EEF2K: variants seen among roughly 807,000 people sequenced by gnomAD.
The protein encoded by EEF2K is alternative protein EEF2K.
Under a neutral mutation model 93.8 loss-of-function variants are expected in EEF2K, and 70 were observed. The observed-to-expected ratio is 0.75, with a 90% CI of 0.62 to 0.91. The LOEUF is 0.91. Among genes scored for constraint, EEF2K ranks in the 40% least tolerant of loss-of-function variants. EEF2K has a pLI of 0.00. For synonymous variants in EEF2K, 376 were observed against 380.8 expected, an observed-to-expected ratio of 0.99 and a Z score of 0.15; for missense variants, 935 against 972.9, an observed-to-expected ratio of 0.96 and a Z score of 0.52.
rs1598214258 is a variant in EEF2K at position 22,286,197 on chromosome 16, T to C, written c.*2201T>C. 6.6e-6 allele frequency: 1 copy of C among 152,214 alleles called. No individual in the cohort carries two copies. Among genetic ancestry groups the C allele is most frequent in the Non-Finnish European group, 1.5e-5 (1 of 68,038 alleles). 9.4% of individuals were successfully genotyped at this position (152,214 alleles called of 1,614,324 possible). ...TTTTGAAGTTGGAACTGATCACCCT[T>C]TTGTCATCTGTACCAGATCAGTAGT... is the stretch of plus-strand genomic sequence containing the variant. On this transcript the variant is annotated 3_prime_UTR_variant, in exon 18 of 18. Coordinates refer to ENST00000263026, the MANE Select transcript of EEF2K (RefSeq NM_013302.5).
At chr16:22,262,001 CCACACACA>C (rs71151667) in intron 11 of EEF2K, among the ~76,000 whole-genome samples, 34 of 138,110 alleles carry the variant, frequency 2.5e-4, no homozygotes, top group South Asian at 4.8e-4. Flanking sequence ...TGAGACCCTG[CCACACACA>C]CACACACACA....
At chr16:22,236,859 CTT>C (rs2047172423) in intron 2 of EEF2K, among the ~76,000 whole-genome samples, 1 of 147,828 alleles carries the variant, frequency 6.8e-6, no homozygotes, top group Admixed American at 6.8e-5. Context: ...TACTCTCAGA[CTT>C]TGAAGAACCA....
intron 2 of EEF2K, among the ~76,000 whole-genome samples, chr16:22,230,765 G>A (rs1254803475): frequency 6.6e-6 from 1 of 152,156 alleles, no homozygotes; most frequent in African/African-American, 2.4e-5. Flanking sequence ...ATGATTCTAT[G>A]TGATTTGACC....
intron 2 of EEF2K, among the ~76,000 whole-genome samples, chr16:22,227,420 A>G (rs918825778): frequency 1.3e-5 from 2 of 151,992 alleles, no homozygotes; most frequent in African/African-American, 4.8e-5. Context: ...AAACAGTTGC[A>G]CTGTGTTGGC....
intron 1 of EEF2K, among the ~76,000 whole-genome samples, chr16:22,209,808 T>G (rs1006897126): frequency 6.6e-6 from 1 of 152,156 alleles, no homozygotes; most frequent in Non-Finnish European, 1.5e-5. Flanking sequence ...TTGTTGTTGT[T>G]TTGAGACAGG....
At chr16:22,267,838 C>T (rs2047540398) in intron 15 of EEF2K, among the ~76,000 whole-genome samples, 2 of 152,156 alleles carry the variant, frequency 1.3e-5, no homozygotes, top group African/African-American at 4.8e-5. Context: ...TGCTTCTGTC[C>T]CTGGTCCGTG....
At chr16:22,215,390 G>A (rs1007822082) in intron 1 of EEF2K, among the ~76,000 whole-genome samples, 6 of 152,116 alleles carry the variant, frequency 3.9e-5, no homozygotes, top group African/African-American at 1.4e-4. Flanking sequence ...AGAGTTTGGT[G>A]GTGCATGGAG....
intron 13 of EEF2K, 73 bp downstream of exon 13, chr16:22,264,953 T>A: frequency 6.5e-7 from 1 of 1,549,086 alleles, no homozygotes; most frequent in Non-Finnish European, 8.9e-7. Flanking sequence ...GTTTCTCCTG[T>A]CTCATATCTC....
chr16:22,220,736 C>A (rs554156718), intron 1 of EEF2K, among the ~76,000 whole-genome samples: 1 of 152,218 alleles, frequency 6.6e-6, no homozygotes, highest in Admixed American at 6.5e-5. Context: ...TGAGCCATCA[C>A]GCCTGGCCCT....
At chr16:22,215,138 T>C (rs1354999573) in intron 1 of EEF2K, among the ~76,000 whole-genome samples, 2 of 152,096 alleles carry the variant, frequency 1.3e-5, no homozygotes, top group African/African-American at 4.8e-5. Flanking sequence ...ACCAGCCTGA[T>C]TGGTTGTGGG....
Position 22,256,883 on chromosome 16 carries a change from C to A in EEF2K, c.754C>A (p.Arg252Ser). ...NSGFVRDDNIRLTPQAFSHFT... is the reference protein window; with the variant it reads ...NSGFVRDDNISLTPQAFSHFT... ...TGGCTTTGTCCGCGATGACAACATC[C>A]GCCTGACGCCGCAGGTGAGGCCGAG... Residue 252 changes from arginine to serine, a missense_variant, in exon 7 of 18, where the codon CGC (arginine) becomes AGC (serine). Transcript: ENST00000263026. 3.1e-6 allele frequency: 5 copies of A among 1,614,038 alleles called. No individual in the cohort carries two copies. Among genetic ancestry groups the A allele is most frequent in the Non-Finnish European group, 4.2e-6 (5 of 1,180,010 alleles).
rs1236065266 is a variant in EEF2K, at chr16:22,214,223, CCT to C, written c.-77+7545_-77+7546del. Among the ~76,000 whole-genome samples the C allele has an allele frequency of 2.4e-4, 36 of 152,216 alleles. No individual in the cohort carries two copies. The East Asian group carries it at 7.0e-3, about 29-fold the overall frequency. On this transcript the variant is annotated intron_variant, in intron 1 of 17. Coordinates refer to ENST00000263026, the MANE Select transcript of EEF2K (RefSeq NM_013302.5). ...CCTGCAGGGGTACTGTTAGCTGACCCCTGTTTACAGAGGAGGGAACTATCCAA... is the reference window on the plus strand; with the variant it reads ...CCTGCAGGGGTACTGTTAGCTGACCCGTTTACAGAGGAGGGAACTATCCAA...
In EEF2K at chr16:22,283,821, G is replaced by A. The variant is rs1016956559; in HGVS notation, c.2069-66G>A. On this transcript the variant is annotated intron_variant, in intron 17 of 17. Coordinates refer to ENST00000263026, the MANE Select transcript of EEF2K (RefSeq NM_013302.5). ...GGTGTTCTTCTGGGAGGGGTGATGG[G>A]GGACACTGGGCTGGCAAAAACAACA... 1.1e-5 allele frequency: 16 copies of A among 1,463,458 alleles called. No homozygotes were observed. The African/African-American group carries it at 1.1e-4, about 10-fold the overall frequency. 90.7% of individuals were successfully genotyped at this position (1,463,458 alleles called of 1,614,324 possible).
chr16:22,216,158 G>A (rs2046955920), intron 1 of EEF2K, among the ~76,000 whole-genome samples: 1 of 152,148 alleles, frequency 6.6e-6, no homozygotes, highest in South Asian at 2.1e-4. Context: ...CCACTGTATT[G>A]GGCTTTGGTT....
At chr16:22,270,793 G>A (rs561029493) in intron 15 of EEF2K, among the ~76,000 whole-genome samples, 10 of 152,016 alleles carry the variant, frequency 6.6e-5, no homozygotes, top group Non-Finnish European at 1.5e-4. Flanking sequence ...CATGTGGGCA[G>A]GGCGTCGCCC....
intron 17 of EEF2K, 62 bp downstream of exon 17, chr16:22,280,438 C>G: frequency 1.5e-6 from 2 of 1,358,870 alleles, no homozygotes; most frequent in South Asian, 4.1e-5. Context: ...AACCTAATTT[C>G]CATTCCACTG....
intron 1 of EEF2K, among the ~76,000 whole-genome samples, chr16:22,218,858 C>T (rs2046984768): frequency 6.6e-6 from 1 of 150,764 alleles, no homozygotes; most frequent in Non-Finnish European, 1.5e-5. Flanking sequence ...GGCGCAGTGG[C>T]TCATGCCTTT....
At chr16:22,253,715 T>C (rs1326723177) in intron 6 of EEF2K, among the ~76,000 whole-genome samples, 2 of 151,982 alleles carry the variant, frequency 1.3e-5, no homozygotes, top group South Asian at 2.1e-4. Context: ...TTCATTTAGT[T>C]AATATTTTAG....
At chr16:22,211,041 A>G (rs532561782) in intron 1 of EEF2K, among the ~76,000 whole-genome samples, 8 of 152,326 alleles carry the variant, frequency 5.3e-5, no homozygotes, top group African/African-American at 1.9e-4. Context: ...ATGCAGTCAC[A>G]TGACCTTACC....
Sources: gnomAD v4.1 joint callset for allele counts (sites outside exome capture counted in the v4.1 genomes callset) on GRCh38, gnomAD v4.1.1 for gene constraint, MANE v1.5 for transcripts, NCBI Gene and HGNC (gene_info 2026-07-23, HGNC 2026-07-21) for gene names.